Variants in SLC26A8 observed in about 807,000 individuals in gnomAD.
SLC26A8 encodes the protein testis anion transporter 1.
SLC26A8 carries 70 observed loss-of-function variants against 105.0 expected under a neutral mutation model. The ratio of observed to expected loss-of-function variants is 0.67; its 90% confidence interval spans 0.55 to 0.81. The LOEUF (loss-of-function observed/expected upper bound fraction) is 0.81. Ranked by LOEUF, SLC26A8 falls within the 40% of genes least tolerant of loss-of-function variation. The probability of loss-of-function intolerance (pLI) is 0.00; values close to 1 mark genes in which losing one functional copy is unlikely to be tolerated. For missense variants in SLC26A8, 998 were observed against 1,181.8 expected, an observed-to-expected ratio of 0.84 and a Z score of 2.28; for synonymous variants, 415 against 438.3, an observed-to-expected ratio of 0.95 and a Z score of 0.66.
intron 19 of SLC26A8, among the ~76,000 whole-genome samples, chr6:35,950,443 T>C (rs1421105604): frequency 6.6e-6 from 1 of 151,784 alleles, no homozygotes; most frequent in Non-Finnish European, 1.5e-5. Context: ...CCCGCCACCA[T>C]GCCTGGCTAA....
chr6:36,011,985 G>A (rs1257252253), intron 3 of SLC26A8, among the ~76,000 whole-genome samples: 2 of 152,110 alleles, frequency 1.3e-5, no homozygotes, highest in Admixed American at 6.5e-5. Context: ...CTAGTGAAGG[G>A]AAAAAATAAC....
At chr6:35,984,994 G>C (rs1773436192) in intron 7 of SLC26A8, among the ~76,000 whole-genome samples, 1 of 152,140 alleles carries the variant, frequency 6.6e-6, no homozygotes, top group Non-Finnish European at 1.5e-5. Context: ...TTTGAAGCCT[G>C]CTACTTGGAG....
chr6:35,946,797 C>G (rs753259298), intron 19 of SLC26A8, among the ~76,000 whole-genome samples: 4 of 152,048 alleles, frequency 2.6e-5, no homozygotes, highest in African/African-American at 4.8e-5. Flanking sequence ...AAGCAATCCT[C>G]CTGCCTCAAG....
intron 11 of SLC26A8, among the ~76,000 whole-genome samples, chr6:35,965,682 C>CAA (rs1293607391): frequency 8.7e-5 from 6 of 68,948 alleles, no homozygotes; most frequent in South Asian, 9.6e-4. Flanking sequence ...AACTCCATCT[C>CAA]AAAAAAAAAA....
chr6:35,956,662 G>A (rs955329705), intron 16 of SLC26A8, among the ~76,000 whole-genome samples: 1 of 152,086 alleles, frequency 6.6e-6, no homozygotes, highest in African/African-American at 2.4e-5. Flanking sequence ...GCTCACACCT[G>A]TAATCCCAGA....
chr6:36,023,380 C>A (rs1199963728), intron 1 of SLC26A8, among the ~76,000 whole-genome samples: 1 of 151,870 alleles, frequency 6.6e-6, no homozygotes, highest in Non-Finnish European at 1.5e-5. Context: ...GAAACCCCGT[C>A]TCTAATAAAA....
rs189825164 is a variant in SLC26A8, at chr6:35,993,715, T to C, written c.628-1041A>G. Among the ~76,000 whole-genome samples, 243 of 152,184 alleles carry C rather than the reference T, an allele frequency of 1.6e-3. 1 individual carries two copies. The highest frequency in any genetic ancestry group is 3.4e-3 in the Middle Eastern group (1 of 294). The stretch of plus-strand genomic sequence containing the variant: ...ATACACTTTTTTACTATTTGAGATG[T>C]TCGTCTTTTATAATAAAAACCACAA... On this transcript the variant is annotated intron_variant, in intron 5 of 19. Coordinates refer to ENST00000490799, the MANE Select transcript of SLC26A8 (RefSeq NM_052961.4).
chr6:35,954,440 G>A (rs988576269), intron 17 of SLC26A8, among the ~76,000 whole-genome samples: 3 of 152,204 alleles, frequency 2.0e-5, no homozygotes. Context: ...CAGCTGAACT[G>A]TGGAGAATTC....
intron 19 of SLC26A8, among the ~76,000 whole-genome samples, chr6:35,947,889 C>A (rs1480968980): frequency 1.3e-5 from 2 of 152,182 alleles, no homozygotes; most frequent in Non-Finnish European, 2.9e-5. Flanking sequence ...TGTGATCATG[C>A]CACTGCACTT....
In SLC26A8 at chr6:35,992,557, A is replaced by G; in HGVS notation, c.745T>C (p.Phe249Leu). The G allele has an allele frequency of 6.2e-7, 1 of 1,614,126 alleles. No homozygotes were observed. Among genetic ancestry groups the G allele is most frequent in the Non-Finnish European group, 8.5e-7 (1 of 1,180,004 alleles). The part of the protein sequence containing the change: ...HIMLSQLTFI[F>L]GIMISFHAGP... ...GCATGGAAACTAATCATAATCCCAA[A>G]GATGAAAGTCAGCTGGGACAGCATG... Residue 249 changes from phenylalanine to leucine, a missense_variant, in exon 6 of 20, where the codon TTT becomes CTT. Phe to Leu is a conservative substitution (Grantham distance 22). Transcript: ENST00000490799.
At chr6:35,984,876 CAT>C (rs1367516090) in intron 7 of SLC26A8, among the ~76,000 whole-genome samples, 1 of 152,192 alleles carries the variant, frequency 6.6e-6, no homozygotes, top group Non-Finnish European at 1.5e-5. Flanking sequence ...AGGGGTCAGA[CAT>C]ACGTCATTAT....
chr6:35,954,717 C>T, intron 17 of SLC26A8: 2 of 193,596 alleles, frequency 1.0e-5, no homozygotes, highest in South Asian at 1.0e-4. Context: ...GGCCGAGGTG[C>T]GCGGATCACT....
In SLC26A8 at chr6:36,012,319, T is replaced by C. The variant is rs1287160509; in HGVS notation, c.242A>G (p.Glu81Gly). ...CTTTAATCGATACATACACATCCAT[T>C]CTAGGAAGGGAAAGATTGTAAGCAC... ...RCVLTIFPFLEWMCMYRLKDW... is the reference protein window; with the variant it reads ...RCVLTIFPFLGWMCMYRLKDW... Residue 81 changes from glutamate to glycine, a missense_variant, in exon 3 of 20, where the codon GAA (glutamate) becomes GGA (glycine). Glu to Gly is a moderately conservative substitution (Grantham distance 98, BLOSUM62 -2). Transcript: ENST00000490799. 1 of 1,608,754 alleles carries C rather than the reference T, an allele frequency of 6.2e-7. No individual in the cohort carries two copies. The highest frequency in any genetic ancestry group is 8.5e-7 in the Non-Finnish European group (1 of 1,178,248).
intron 7 of SLC26A8, among the ~76,000 whole-genome samples, chr6:35,986,940 G>C (rs1387136696): frequency 6.6e-6 from 1 of 152,090 alleles, no homozygotes; most frequent in Non-Finnish European, 1.5e-5. Context: ...TGAGAGTGCA[G>C]GTATCTACTC....
Position 35,980,566 on chromosome 6 carries a change from A to ATCGT in SLC26A8, c.1025+1551_1025+1554dup, listed in dbSNP as rs1773228967. 2.0e-5 allele frequency among the ~76,000 whole-genome samples: 3 copies of ATCGT among 152,194 alleles called. No individual in the cohort carries two copies. In the South Asian group the frequency reaches 6.2e-4, roughly 32 times the overall value. ...ATTATTTTTTTTCCTGAGGACAGAGATCGTGTCTTGCTTATCTTTGTACTC... is the reference window on the plus strand; with the variant it reads ...ATTATTTTTTTTCCTGAGGACAGAGATCGTTCGTGTCTTGCTTATCTTTGTACTC... On this transcript the variant is annotated intron_variant, in intron 8 of 19. Coordinates refer to ENST00000490799, the MANE Select transcript of SLC26A8 (RefSeq NM_052961.4).
chr6:35,974,492 C>A (rs1772919725), intron 10 of SLC26A8, among the ~76,000 whole-genome samples: 1 of 152,126 alleles, frequency 6.6e-6, no homozygotes, highest in Admixed American at 6.6e-5. Context: ...GAAAATCTGA[C>A]CTAGATAATT....
At chr6:35,999,939 T>C in intron 4 of SLC26A8, 53 bp downstream of exon 4, 1 of 1,239,328 alleles carries the variant, frequency 8.1e-7, no homozygotes. Context: ...AATAAGTATA[T>C]GATCAAGATG....
In SLC26A8 at chr6:35,959,796, ATGG is replaced by A. The variant is rs780779789; in HGVS notation, c.1646_1648del (p.Thr549del). ...GCACTGGAAGATTTTCACCCCAGGA[ATGG>A]TGATGATCTGCAAGACAAAATGTGA... is the stretch of plus-strand genomic sequence containing the variant. On this transcript the variant is annotated inframe_deletion, in exon 15 of 20. Transcript: ENST00000490799. 6.2e-7 allele frequency: 1 copy of A among 1,607,186 alleles called. No individual in the cohort carries two copies. Among genetic ancestry groups the A allele is most frequent in the African/African-American group, 1.3e-5 (1 of 74,596 alleles).
In SLC26A8 at chr6:35,994,543, T is replaced by C. The variant is rs1177871046; in HGVS notation, c.628-1869A>G. ...TCTGTGCTTATGCATGAGCCCCTCT[T>C]TTTTCCATCTCTGCCAATCCATGTG... On this transcript the variant is annotated intron_variant, in intron 5 of 19. Transcript: ENST00000490799. Among the ~76,000 whole-genome samples the C allele has an allele frequency of 2.0e-5, 3 of 151,772 alleles. No individual in the cohort carries two copies. In the East Asian group the frequency reaches 5.8e-4, roughly 29 times the overall value.
Sources: allele counts gnomAD v4.1 joint callset (sites outside exome capture counted in the v4.1 genomes callset), GRCh38; gene constraint gnomAD v4.1.1; transcripts MANE v1.5; gene names NCBI Gene and HGNC (gene_info 2026-07-23, HGNC 2026-07-21).